The following MIB1 variants were observed in gnomAD, a reference collection of about 807,000 sequenced individuals.
The protein encoded by MIB1 is E3 ubiquitin-protein ligase MIB1.
A neutral mutation model predicts 124.5 loss-of-function variants in MIB1; 278 were observed. The observed-to-expected ratio is 2.23, with a 90% CI of 2.02 to 2.47. The LOEUF (loss-of-function observed/expected upper bound fraction) is 2.47, where lower values mean the gene tolerates loss of function less well. Among genes scored for constraint, MIB1 ranks in the 30% most tolerant of loss-of-function variants. The pLI, the probability that MIB1 is intolerant of heterozygous loss-of-function variation, is 0.00. For synonymous variants in MIB1, 446 were observed against 429.4 expected (o/e 1.04, Z -0.48); for missense variants, 957 against 1,254.4 (o/e 0.76, Z 3.58).
chr18:21,795,362 T>C (rs1032770257), intron 7 of MIB1, among the ~76,000 whole-genome samples: 4 of 143,474 alleles, frequency 2.8e-5, no homozygotes, highest in African/African-American at 1.0e-4. Flanking sequence ...AAATAATACA[T>C]AATATATAAA....
At chr18:21,769,620 C>T (rs1248734167) in intron 3 of MIB1, among the ~76,000 whole-genome samples, 1 of 152,150 alleles carries the variant, frequency 6.6e-6, no homozygotes, top group Non-Finnish European at 1.5e-5. Context: ...CTTACTGTCT[C>T]TTTTGGTAGG....
At chr18:21,824,313 A>G (rs1332866269) in intron 12 of MIB1, among the ~76,000 whole-genome samples, 7 of 152,184 alleles carry the variant, frequency 4.6e-5, no homozygotes, top group African/African-American at 1.7e-4. Context: ...ATATGTGAGC[A>G]ACTCATAGTT....
intron 12 of MIB1, chr18:21,829,237 C>T: frequency 3.0e-6 from 1 of 334,588 alleles, no homozygotes. Flanking sequence ...TTACCTGAAG[C>T]ATGGCATTAA....
chr18:21,859,348 A>T (rs113536890), intron 20 of MIB1, among the ~76,000 whole-genome samples: 2,996 of 151,152 alleles, frequency 0.02, 98 homozygotes, highest in African/African-American at 0.07. Context: ...AGCTGTGATC[A>T]CGCCATTGCA....
chr18:21,835,539 G>A lies in MIB1; in HGVS notation c.1830-2826G>A, dbSNP rs536836694. Among the ~76,000 whole-genome samples, 4 of 151,622 alleles carry A rather than the reference G, an allele frequency of 2.6e-5. No individual in the cohort carries two copies. In the East Asian group the frequency reaches 7.9e-4, roughly 30 times the overall value. ...TCCCAGCACTTTGGGAGGCCCAGGT[G>A]GGTGGATCACGAGGTCAGGAGTTCA... On this transcript the variant is annotated intron_variant, in intron 12 of 20. Coordinates refer to ENST00000261537, the MANE Select transcript of MIB1 (RefSeq NM_020774.4).
chr18:21,750,358 C>T (rs1442824240), intron 1 of MIB1, among the ~76,000 whole-genome samples: 3 of 151,808 alleles, frequency 2.0e-5, no homozygotes, highest in East Asian at 1.9e-4. Context: ...GACGGAGTCT[C>T]GCTCTGTCGT....
intron 1 of MIB1, among the ~76,000 whole-genome samples, chr18:21,747,136 C>T (rs1485208112): frequency 2.6e-5 from 4 of 152,198 alleles, no homozygotes; most frequent in Admixed American, 6.5e-5. Flanking sequence ...TTAATGACAT[C>T]TGCAAGGAAA....
At position 21,864,725 on chromosome 18, in the gene MIB1, T is replaced by C; in HGVS notation, c.*59T>C. The stretch of plus-strand genomic sequence containing the variant: ...ATCTAGTCATGAGATCTTAATAGGC[T>C]TTTGATCTAGTTGGAAGTTCTGATG... On this transcript the variant is annotated 3_prime_UTR_variant, in exon 21 of 21. Coordinates refer to ENST00000261537, the MANE Select transcript of MIB1 (RefSeq NM_020774.4). 7.2e-7 allele frequency: 1 copy of C among 1,386,620 alleles called. No homozygotes were observed. 85.9% of individuals were successfully genotyped at this position (1,386,620 alleles called of 1,614,324 possible). A position where few individuals can be genotyped will look rare whatever the true frequency, so the allele number is the denominator to read the frequency against.
At chr18:21,781,365 T>TTATATATATG in intron 6 of MIB1, among the ~76,000 whole-genome samples, 1 of 67,254 alleles carries the variant, frequency 1.5e-5, no homozygotes, top group East Asian at 3.5e-4. Context: ...TCTGTTCAAG[T>TTATATATATG]TATATATATA....
chr18:21,721,159 GTTTTTTTTTTTTTTTTT>G (rs34277676), intron 1 of MIB1, among the ~76,000 whole-genome samples: 59 of 29,764 alleles, frequency 2.0e-3, no homozygotes, highest in Middle Eastern at 0.045. Context: ...TTTTAAAGAA[GTTTTTTTTTTTTTTTTT>G]TTTTTTTTTT....
rs942153170 is a variant in MIB1, at chr18:21,706,824, G to A, written n.167+1701G>A. Among the ~76,000 whole-genome samples, 10 of 152,314 alleles carry A rather than the reference G, an allele frequency of 6.6e-5. No individual in the cohort carries two copies. In the South Asian group the frequency reaches 1.4e-3, roughly 22 times the overall value. The stretch of plus-strand genomic sequence containing the variant: ...CCCCCGCCCCACTGTGGGCTCCTGC[G>A]GGGCAAGCCTCCCCCACGAGCGCTG... On this transcript the variant is annotated intron_variant and non_coding_transcript_variant, in intron 1 of 20. Coordinates refer to the MIB1 transcript ENST00000578646.
At chr18:21,785,348 T>C (rs1311885413) in intron 6 of MIB1, among the ~76,000 whole-genome samples, 1 of 152,198 alleles carries the variant, frequency 6.6e-6, no homozygotes, top group African/African-American at 2.4e-5. Flanking sequence ...CTGTCTTGTG[T>C]TTTTATTTCT....
intron 1 of MIB1, among the ~76,000 whole-genome samples, chr18:21,719,706 C>T (rs1349899119): frequency 1.3e-5 from 2 of 151,726 alleles, no homozygotes; most frequent in Admixed American, 1.3e-4. Context: ...ATCCGCCCTC[C>T]TTGGCCTCCC....
chr18:21,777,022 A>G (rs578098118), intron 4 of MIB1, among the ~76,000 whole-genome samples: 2 of 152,252 alleles, frequency 1.3e-5, no homozygotes, highest in African/African-American at 4.8e-5. Flanking sequence ...TGGACAAGGA[A>G]TCAAAAGACT....
chr18:21,765,589 C>T lies in MIB1; in HGVS notation c.230-183C>T, dbSNP rs45448301. ...GAGCAGAGGGAAAATATATATAATT[C>T]GCATTTATTAACGTAGTTGAGATCC... On this transcript the variant is annotated intron_variant, in intron 1 of 20. Coordinates refer to ENST00000261537, the MANE Select transcript of MIB1 (RefSeq NM_020774.4). Among the ~76,000 whole-genome samples, 2,522 of 152,152 alleles carry T rather than the reference C, an allele frequency of 0.017. 37 individuals carry two copies. Among genetic ancestry groups the T allele is most frequent in the East Asian group, 0.068 (354 of 5,180 alleles).
At chr18:21,711,774 G>T (rs2040666760) in intron 1 of MIB1, among the ~76,000 whole-genome samples, 1 of 152,096 alleles carries the variant, frequency 6.6e-6, no homozygotes, top group Non-Finnish European at 1.5e-5. Context: ...GCTTACTGCA[G>T]CCTCGACCTC....
intron 8 of MIB1, among the ~76,000 whole-genome samples, chr18:21,799,376 CT>C (rs2041624064): frequency 6.6e-6 from 1 of 151,934 alleles, no homozygotes; most frequent in Non-Finnish European, 1.5e-5. Flanking sequence ...TGGTTTGACC[CT>C]AAACTATGTC....
Position 21,858,532 on chromosome 18 carries a change from A to G in MIB1, c.2780-14A>G, listed in dbSNP as rs746212576. Reference sequence around the variant, plus strand: ...GCAATAATAACTGAAAATCTTTTTAAATCTATATTATAGCAAGTGGGAATA... The same window carrying G: ...GCAATAATAACTGAAAATCTTTTTAGATCTATATTATAGCAAGTGGGAATA... On this transcript the variant is annotated splice_polypyrimidine_tract_variant and intron_variant, in intron 19 of 20. Transcript: ENST00000261537. 8.4e-7 allele frequency: 1 copy of G among 1,193,022 alleles called. No homozygotes were observed. Among genetic ancestry groups the G allele is most frequent in the Non-Finnish European group, 1.2e-6 (1 of 815,470 alleles). 73.9% of individuals were successfully genotyped at this position (1,193,022 alleles called of 1,614,324 possible).
intron 2 of MIB1, among the ~76,000 whole-genome samples, chr18:21,766,539 A>G (rs947031005): frequency 3.3e-5 from 5 of 152,184 alleles, no homozygotes; most frequent in Admixed American, 2.0e-4. Context: ...GGATCTTCTC[A>G]TGTAGATACA....
Sources: allele counts gnomAD v4.1 joint callset (sites outside exome capture counted in the v4.1 genomes callset), GRCh38; gene constraint gnomAD v4.1.1; transcripts MANE v1.5; gene names NCBI Gene and HGNC (gene_info 2026-07-23, HGNC 2026-07-21).